The following RTN1 variants were observed in gnomAD, a reference collection of about 807,000 sequenced individuals.
The protein encoded by RTN1 is reticulon 1, also known as reticulon-1.
Under a neutral mutation model 65.5 loss-of-function variants are expected in RTN1, and 25 were observed. That is an observed-to-expected ratio of 0.38 (90% CI 0.28 to 0.53). The LOEUF is 0.53. Among genes scored for constraint, RTN1 ranks in the 20% least tolerant of loss-of-function variants. RTN1 has a pLI of 0.79. For synonymous variants in RTN1, 471 were observed against 447.6 expected (o/e 1.05, Z -0.66); for missense variants, 983 against 1,025.4 (o/e 0.96, Z 0.57).
chr14:59,843,175 C>T (rs1409417321), intron 1 of RTN1, among the ~76,000 whole-genome samples: 1 of 152,212 alleles, frequency 6.6e-6, no homozygotes, highest in Non-Finnish European at 1.5e-5. Context: ...TGCACAATAA[C>T]ATGAATGTTT....
At chr14:59,667,273 G>T (rs1223292739) in intron 3 of RTN1, among the ~76,000 whole-genome samples, 1 of 152,106 alleles carries the variant, frequency 6.6e-6, no homozygotes, top group Non-Finnish European at 1.5e-5. Context: ...GATCAAGTCG[G>T]CTTCATCACT....
At chr14:59,734,384 G>A (rs1243999338) in intron 2 of RTN1, among the ~76,000 whole-genome samples, 4 of 152,168 alleles carry the variant, frequency 2.6e-5, no homozygotes, top group Admixed American at 2.0e-4. Flanking sequence ...CTGAGGCTGG[G>A]ACCGCTGAAA....
intron 3 of RTN1, among the ~76,000 whole-genome samples, chr14:59,675,027 C>T (rs941847392): frequency 6.6e-6 from 1 of 151,458 alleles, no homozygotes; most frequent in Non-Finnish European, 1.5e-5. Context: ...GAAAACAATA[C>T]AGCCCAGTGG....
chr14:59,740,845 T>C (rs946749806), intron 2 of RTN1, among the ~76,000 whole-genome samples: 1 of 152,174 alleles, frequency 6.6e-6, no homozygotes, highest in Non-Finnish European at 1.5e-5. Context: ...CCCTCTAAGA[T>C]ATTGGTTATT....
chr14:59,800,552 C>T (rs1024391758), intron 1 of RTN1, among the ~76,000 whole-genome samples: 3 of 152,082 alleles, frequency 2.0e-5, no homozygotes, highest in Non-Finnish European at 2.9e-5. Context: ...AGGCGCCCAC[C>T]ACCACGCCTG....
chr14:59,749,140 ATC>A (rs1404003093), intron 1 of RTN1, among the ~76,000 whole-genome samples: 1 of 109,662 alleles, frequency 9.1e-6, no homozygotes, highest in Non-Finnish European at 1.7e-5. Context: ...ATCTATATCT[ATC>A]TATCTATCTA....
chr14:59,749,568 GAT>G (rs1245948216), intron 1 of RTN1, among the ~76,000 whole-genome samples: 991 of 19,830 alleles, frequency 0.05, 112 homozygotes, highest in Admixed American at 0.059. Context: ...TCTATATATA[GAT>G]ATATATATAT....
intron 1 of RTN1, among the ~76,000 whole-genome samples, chr14:59,768,141 G>A (rs1337999816): frequency 2.6e-5 from 4 of 152,136 alleles, no homozygotes; most frequent in African/African-American, 9.7e-5. Context: ...TTTACTAATT[G>A]ATATGATTGA....
chr14:59,605,644 CCAGT>C (rs1595109413), intron 4 of RTN1, 138 bp from the exon 5 acceptor site: 1 of 777,292 alleles, frequency 1.3e-6, no homozygotes, highest in East Asian at 2.6e-5. Context: ...GTTATGCCAG[CCAGT>C]GAGGGCCACA....
Position 59,727,813 on chromosome 14 carries a change from T to A in RTN1, c.1016-145A>T. The A allele has an allele frequency of 8.4e-7, 1 of 1,192,598 alleles. No individual in the cohort carries two copies. Among genetic ancestry groups the A allele is most frequent in the Admixed American group, 3.2e-5 (1 of 31,308 alleles). The allele number at this position is 1,192,598 out of a possible 1,614,324, so 73.9% of individuals were successfully genotyped here. Reference sequence around the variant, plus strand: ...AACACATATCTCATTAGCACAAAAATAATCTGTTTCCAGGGCTATGCTGGA... The same window carrying A: ...AACACATATCTCATTAGCACAAAAAAAATCTGTTTCCAGGGCTATGCTGGA... On this transcript the variant is annotated intron_variant, in intron 2 of 8. Transcript: ENST00000267484. The surrounding 1 kb of genome is among the most constrained non-coding windows in gnomAD (Gnocchi z 4.2).
chr14:59,596,839 C>A (rs776297863), intron 8 of RTN1, 52 bp from the exon 9 acceptor site: 2 of 1,395,994 alleles, frequency 1.4e-6, no homozygotes, highest in East Asian at 2.3e-5. Flanking sequence ...TTAATGAAAT[C>A]ATTTTATGTG....
rs982675384 is a variant in RTN1 at position 59,816,986 on chromosome 14, G to A, written c.241+53404C>T. Among the ~76,000 whole-genome samples, 6 of 152,098 alleles carry A rather than the reference G, an allele frequency of 3.9e-5. No homozygotes were observed. Among genetic ancestry groups the A allele is most frequent in the Non-Finnish European group, 5.9e-5 (4 of 68,024 alleles). ...ACAGTACCAATAAGGGTTGTTTTAT[G>A]TACATCTTAAGGGCAAATCTAAGCA... is the stretch of plus-strand genomic sequence containing the variant. On this transcript the variant is annotated intron_variant, in intron 1 of 8. Transcript: ENST00000267484. The surrounding 1 kb of genome is among the most constrained non-coding windows in gnomAD (Gnocchi z 4.3).
intron 3 of RTN1, among the ~76,000 whole-genome samples, chr14:59,659,996 A>G (rs145579117): frequency 1.6e-3 from 242 of 152,220 alleles, no homozygotes; most frequent in Non-Finnish European, 2.7e-3. Flanking sequence ...CAGGAGACTC[A>G]TCTCACATGC....
chr14:59,717,261 A>AGTGCTCAGCCAAGAGTT (rs1242596304), intron 3 of RTN1, among the ~76,000 whole-genome samples: 3 of 152,236 alleles, frequency 2.0e-5, no homozygotes, highest in African/African-American at 7.2e-5. Flanking sequence ...CCAAGATTTC[A>AGTGCTCAGCCAAGAGTT]GTGCTCAGCC....
chr14:59,749,539 ATATATATT>A (rs1348754551), intron 1 of RTN1, among the ~76,000 whole-genome samples: 1 of 55,220 alleles, frequency 1.8e-5, no homozygotes, highest in South Asian at 4.7e-4. Flanking sequence ...ATATCTATCT[ATATATATT>A]TATATAGATA....
intron 1 of RTN1, among the ~76,000 whole-genome samples, chr14:59,793,552 G>A (rs1367840428): frequency 6.6e-6 from 1 of 151,868 alleles, no homozygotes; most frequent in Admixed American, 6.6e-5. Flanking sequence ...GTATGTGTAT[G>A]TGTGTGTTTC....
chr14:59,739,339 G>A (rs1885067718), intron 2 of RTN1, among the ~76,000 whole-genome samples: 1 of 152,084 alleles, frequency 6.6e-6, no homozygotes, highest in African/African-American at 2.4e-5. Context: ...GGAGTTCGGG[G>A]AGACCAGCCT....
intron 1 of RTN1, among the ~76,000 whole-genome samples, chr14:59,848,889 G>A (rs547996372): frequency 5.9e-5 from 9 of 152,142 alleles, no homozygotes; most frequent in South Asian, 2.1e-4. Context: ...TACACAAATC[G>A]TCACTGATGA....
chr14:59,773,436 G>A (rs954239870), intron 1 of RTN1, among the ~76,000 whole-genome samples: 1 of 152,088 alleles, frequency 6.6e-6, no homozygotes, highest in Non-Finnish European at 1.5e-5. Flanking sequence ...ATCTTCTGAT[G>A]ACTTTAAAAA....
Sources: allele counts gnomAD v4.1 joint callset (sites outside exome capture counted in the v4.1 genomes callset), GRCh38; gene constraint gnomAD v4.1.1; non-coding constraint Gnocchi (gnomAD v3.1); transcripts MANE v1.5; gene names NCBI Gene and HGNC (gene_info 2026-07-23, HGNC 2026-07-21).